The following FSTL4 variants were observed in gnomAD, a reference collection of about 807,000 sequenced individuals.
FSTL4 encodes the protein follistatin-related protein 4.
In FSTL4, 28 loss-of-function variants were observed where a neutral mutation model predicts 78.2. The observed-to-expected ratio is 0.36, with a 90% CI of 0.27 to 0.49. The LOEUF (loss-of-function observed/expected upper bound fraction) is 0.49, where lower values mean the gene tolerates loss of function less well. Among genes scored for constraint, FSTL4 ranks in the 20% least tolerant of loss-of-function variants. FSTL4 has a pLI of 0.98. For synonymous variants in FSTL4, 422 were observed against 440.5 expected (o/e 0.96, Z 0.53); for missense variants, 922 against 1,084.9 (o/e 0.85, Z 2.11).
chr5:133,664,439 C>T, the FSTL4 span, among the ~76,000 whole-genome samples: 1 of 152,310 alleles, frequency 6.6e-6, no homozygotes, highest in East Asian at 1.9e-4. Context: ...AGGAACATCG[C>T]TTTTACTGCT....
At chr5:133,229,445 C>T (rs1207352099) in intron 8 of FSTL4, among the ~76,000 whole-genome samples, 2 of 152,084 alleles carry the variant, frequency 1.3e-5, no homozygotes, top group African/African-American at 4.8e-5. Flanking sequence ...ATTGCTTGAG[C>T]CTGGAAAGTT....
rs560373078 is a variant in FSTL4 at position 133,255,101 on chromosome 5, G to A, written c.728-5525C>T. ...GGCTCATTAGCCACTATGTGGGAAG[G>A]TTTCCAAGGTCCCTGGACGACCAAA... On this transcript the variant is annotated intron_variant, in intron 6 of 15. Transcript: ENST00000265342. Among the ~76,000 whole-genome samples, 101 of 152,342 alleles carry A rather than the reference G, an allele frequency of 6.6e-4. 1 individual carries two copies. The South Asian group carries it at 0.021, about 31-fold the overall frequency.
At chr5:133,363,917 T>C (rs1755123613) in intron 4 of FSTL4, among the ~76,000 whole-genome samples, 3 of 152,302 alleles carry the variant, frequency 2.0e-5, no homozygotes, top group African/African-American at 4.8e-5. Context: ...AGTGTTCTAA[T>C]GGCTGGGTTA....
At chr5:133,297,570 G>T (rs935763182) in intron 6 of FSTL4, among the ~76,000 whole-genome samples, 26 of 152,284 alleles carry the variant, frequency 1.7e-4, no homozygotes, top group African/African-American at 6.3e-4. Context: ...CACTAAATGA[G>T]ATAATGTTAA....
At chr5:133,783,921 C>T in the FSTL4 span, among the ~76,000 whole-genome samples, 1 of 149,852 alleles carries the variant, frequency 6.7e-6, no homozygotes, top group Non-Finnish European at 1.5e-5. Flanking sequence ...AGTTAGCTCA[C>T]AGGCAGGAGT....
At position 133,517,510 on chromosome 5, in the gene FSTL4, C is replaced by CAA. The variant is rs1554068052; in HGVS notation, c.160+49674_160+49675dup. Among the ~76,000 whole-genome samples, 136 of 118,656 alleles carry CAA rather than the reference C, an allele frequency of 1.1e-3. 1 individual carries two copies. Among genetic ancestry groups the CAA allele is most frequent in the Middle Eastern group, 4.3e-3 (1 of 230 alleles). The allele number at this position is 118,656 out of a possible 152,430, so 77.8% of individuals were successfully genotyped here. A position where few individuals can be genotyped will look rare whatever the true frequency, so the allele number is the denominator to read the frequency against. On this transcript the variant is annotated intron_variant, in intron 3 of 15. Coordinates refer to ENST00000265342, the MANE Select transcript of FSTL4 (RefSeq NM_015082.2). ...ACACACACACACACACACACACACA[C>CAA]AAACTGAAAGCATAATAATACTAAA...
At chr5:133,253,684 T>C (rs966645034) in intron 6 of FSTL4, among the ~76,000 whole-genome samples, 8 of 152,182 alleles carry the variant, frequency 5.3e-5, no homozygotes, top group African/African-American at 1.2e-4. Flanking sequence ...GCCTCCTTCA[T>C]GGTCACCCCT....
At chr5:133,310,212 G>A (rs535309235) in intron 6 of FSTL4, among the ~76,000 whole-genome samples, 41 of 152,292 alleles carry the variant, frequency 2.7e-4, no homozygotes, top group African/African-American at 8.9e-4. Context: ...ACGTTTTATT[G>A]CATATCTATT....
At chr5:133,432,844 C>A (rs994258604) in intron 3 of FSTL4, among the ~76,000 whole-genome samples, 1 of 152,220 alleles carries the variant, frequency 6.6e-6, no homozygotes, top group Non-Finnish European at 1.5e-5. Flanking sequence ...AGCAACATAA[C>A]AAATCTCCAT....
chr5:133,653,555 G>C, the FSTL4 span, among the ~76,000 whole-genome samples: 2 of 152,174 alleles, frequency 1.3e-5, no homozygotes, highest in Non-Finnish European at 2.9e-5. Flanking sequence ...CAGGAAATGA[G>C]TTCTTTGCTG....
the FSTL4 span, among the ~76,000 whole-genome samples, chr5:133,629,226 T>C: frequency 6.6e-6 from 1 of 152,068 alleles, no homozygotes; most frequent in African/African-American, 2.4e-5. Flanking sequence ...TCTATTGAGA[T>C]AATCATGTGG....
At chr5:133,457,246 G>A (rs1284814309) in intron 3 of FSTL4, among the ~76,000 whole-genome samples, 2 of 152,198 alleles carry the variant, frequency 1.3e-5, no homozygotes, top group Non-Finnish European at 2.9e-5. Context: ...GCCTGGTTGT[G>A]CAAGATGCCA....
chr5:133,790,864 C>A, the FSTL4 span, among the ~76,000 whole-genome samples: 2 of 152,256 alleles, frequency 1.3e-5, no homozygotes, highest in African/African-American at 2.4e-5. Flanking sequence ...CACCTGGAGG[C>A]AGCAGCAGCC....
rs773843699 is a variant in FSTL4 at position 133,199,158 on chromosome 5, C to G, written c.2466G>C (p.Thr822=). ...SLFLINGRQN[T]LRCEVSGIKG... is the part of the protein sequence containing the mutation. ...TTATACCTGACACCTCACACCGCAGCGTGTTTTGTCTCCCATTGATGAGGA... is the reference window on the plus strand; with the variant it reads ...TTATACCTGACACCTCACACCGCAGGGTGTTTTGTCTCCCATTGATGAGGA... Residue 822 remains threonine (T), a synonymous_variant, in exon 16 of 16, where the codon ACG becomes ACC. Coordinates refer to ENST00000265342, the MANE Select transcript of FSTL4 (RefSeq NM_015082.2). This position sits in a 1 kb window ranked among gnomAD's most constrained non-coding sequence, Gnocchi z 4.4. The G allele has an allele frequency of 6.2e-7, 1 of 1,604,362 alleles. No homozygotes were observed. Among genetic ancestry groups the G allele is most frequent in the African/African-American group, 1.3e-5 (1 of 74,728 alleles).
At chr5:133,682,360 T>A in the FSTL4 span, among the ~76,000 whole-genome samples, 1 of 152,230 alleles carries the variant, frequency 6.6e-6, no homozygotes, top group Non-Finnish European at 1.5e-5. Context: ...ACTGCATTGT[T>A]ATTTTCTCCT....
chr5:133,828,061 G>C, the FSTL4 span, among the ~76,000 whole-genome samples: 1 of 152,130 alleles, frequency 6.6e-6, no homozygotes, highest in African/African-American at 2.4e-5. Flanking sequence ...CTCCACCCCG[G>C]TGGACACAGA....
chr5:133,762,672 G>A, the FSTL4 span, among the ~76,000 whole-genome samples: 5 of 152,128 alleles, frequency 3.3e-5, no homozygotes, highest in Admixed American at 6.5e-5. Context: ...TTCAGAGCAG[G>A]TTTGCTCATG....
At chr5:133,732,549 C>T in the FSTL4 span, among the ~76,000 whole-genome samples, 1 of 152,118 alleles carries the variant, frequency 6.6e-6, no homozygotes, top group Non-Finnish European at 1.5e-5. Context: ...TTCGTCTCCC[C>T]ACCCACACCC....
At chr5:133,370,424 A>AT (rs575928709) in intron 4 of FSTL4, among the ~76,000 whole-genome samples, 8 of 150,386 alleles carry the variant, frequency 5.3e-5, no homozygotes, top group Admixed American at 2.0e-4. Context: ...GAGAGTCCTA[A>AT]TTTTTTTTTT....
Sources: allele counts gnomAD v4.1 joint callset (sites outside exome capture counted in the v4.1 genomes callset), GRCh38; gene constraint gnomAD v4.1.1; non-coding constraint Gnocchi (gnomAD v3.1); transcripts MANE v1.5; gene names NCBI Gene and HGNC (gene_info 2026-07-23, HGNC 2026-07-21).